Variants in FANCC observed in about 807,000 individuals in gnomAD.
FANCC encodes FA complementation group C.
Under a neutral mutation model 71.3 loss-of-function variants are expected in FANCC, and 55 were observed. The ratio of observed to expected loss-of-function variants is 0.77; its 90% CI spans 0.62 to 0.97. FANCC has a LOEUF of 0.97. Among genes scored for constraint, FANCC ranks in the 50% least tolerant of loss-of-function variants. The pLI, the probability that FANCC is intolerant of heterozygous loss-of-function variation, is 0.00. For synonymous variants in FANCC, 275 were observed against 244.9 expected, an observed-to-expected ratio of 1.12 and a Z score of -1.15; for missense variants, 678 against 670.9, an observed-to-expected ratio of 1.01 and a Z score of -0.12.
At chr9:95,172,224 T>TATTTGTACATAA in intron 4 of FANCC, 77 bp from the exon 5 acceptor site, 1 of 880,962 alleles carries the variant, frequency 1.1e-6, no homozygotes, top group South Asian at 1.5e-5. Context: ...GCCTACAATT[T>TATTTGTACATAA]ATTTGTACAT....
chr9:95,117,193 C>T (rs2072488092), intron 11 of FANCC, 122 bp downstream of exon 11: 6 of 891,462 alleles, frequency 6.7e-6, no homozygotes, highest in Non-Finnish European at 9.1e-6. Flanking sequence ...TTAAAGGGAT[C>T]TTAGAAATAA....
At chr9:95,193,830 G>A (rs1167972928) in intron 4 of FANCC, among the ~76,000 whole-genome samples, 1 of 152,288 alleles carries the variant, frequency 6.6e-6, no homozygotes, top group East Asian at 1.9e-4. Flanking sequence ...AGCAAAAGAG[G>A]GAGAACTCAG....
chr9:95,204,249 T>C (rs946816723), intron 4 of FANCC, among the ~76,000 whole-genome samples: 2 of 152,240 alleles, frequency 1.3e-5, no homozygotes, highest in Non-Finnish European at 2.9e-5. Context: ...TTTAGTCTTC[T>C]AGGCGTCCAT....
chr9:95,298,349 T>C (rs356665), intron 1 of FANCC, among the ~76,000 whole-genome samples: 80,363 of 152,036 alleles, frequency 0.53, 21,783 homozygotes, highest in African/African-American at 0.66. Context: ...GATAAAAAGA[T>C]AGGCTCAGCT....
chr9:95,145,263 A>G (rs1829372296), intron 7 of FANCC: 1 of 152,228 alleles, frequency 6.6e-6, no homozygotes, highest in Non-Finnish European at 1.5e-5. Context: ...GATGGAGGAG[A>G]AGATCCATTT....
intron 1 of FANCC, among the ~76,000 whole-genome samples, chr9:95,259,888 C>T (rs1023059002): frequency 2.0e-5 from 3 of 152,150 alleles, no homozygotes; most frequent in African/African-American, 7.2e-5. Flanking sequence ...AGGATAAGAA[C>T]AGACACTTCT....
At chr9:95,257,023 C>T (rs1831705304) in intron 1 of FANCC, among the ~76,000 whole-genome samples, 1 of 152,154 alleles carries the variant, frequency 6.6e-6, no homozygotes, top group Non-Finnish European at 1.5e-5. Context: ...CAGGAGCACC[C>T]AGATTCATAA....
At chr9:95,154,484 T>C (rs1830349724) in intron 6 of FANCC, among the ~76,000 whole-genome samples, 1 of 152,182 alleles carries the variant, frequency 6.6e-6, no homozygotes, top group African/African-American at 2.4e-5. Flanking sequence ...AATGATTATT[T>C]ATTTACAGAA....
At chr9:95,190,676 C>A (rs1827033761) in intron 4 of FANCC, among the ~76,000 whole-genome samples, 1 of 152,236 alleles carries the variant, frequency 6.6e-6, no homozygotes, top group South Asian at 2.1e-4. Context: ...CGCCCTGGCA[C>A]TGTGTGGGTG....
intron 3 of FANCC, 144 bp downstream of exon 3, chr9:95,247,288 T>C: frequency 5.9e-6 from 4 of 676,274 alleles, no homozygotes; most frequent in Non-Finnish European, 5.2e-6. Flanking sequence ...TAGGAAGCCA[T>C]CTTTGTAATA....
At chr9:95,248,610 T>C (rs1040157732) in intron 2 of FANCC, among the ~76,000 whole-genome samples, 4 of 152,058 alleles carry the variant, frequency 2.6e-5, no homozygotes, top group Admixed American at 6.6e-5. Flanking sequence ...ATCATAAAAA[T>C]ATCTATCATA....
chr9:95,141,235 C>T (rs1465534736), intron 7 of FANCC, among the ~76,000 whole-genome samples: 2 of 148,214 alleles, frequency 1.3e-5, no homozygotes, highest in Non-Finnish European at 3.0e-5. Context: ...TCACCTGAGC[C>T]TGGGAGGTCG....
In FANCC at chr9:95,149,452, A is replaced by C. The variant is rs372129882; in HGVS notation, c.686+471T>G. On this transcript the variant is annotated intron_variant, in intron 7 of 14. Coordinates refer to ENST00000289081, the MANE Select transcript of FANCC (RefSeq NM_000136.3). ...AAACCTAAAATAAAAGTTAAAAATA[A>C]AAAAATAAAATGTTTTGGGATCCTC... Among the ~76,000 whole-genome samples the C allele has an allele frequency of 4.6e-4, 70 of 152,302 alleles. No homozygotes were observed. The East Asian group carries it at 0.01, about 22-fold the overall frequency.
In FANCC at chr9:95,199,701, C is replaced by G. The variant is rs975452607; in HGVS notation, c.346-27554G>C. ...GAGAAAAAACTACCACCAGAGGCTC[C>G]TGGTTTCCAGTCCAAGGATGAGTGT... On this transcript the variant is annotated intron_variant, in intron 4 of 14. Coordinates refer to ENST00000289081, the MANE Select transcript of FANCC (RefSeq NM_000136.3). Among the ~76,000 whole-genome samples the G allele has an allele frequency of 4.5e-4, 68 of 152,196 alleles. 1 individual carries two copies. The highest frequency in any genetic ancestry group is 1.3e-4 in the Non-Finnish European group (9 of 68,048).
chr9:95,118,347 G>A (rs1365634772), intron 10 of FANCC, among the ~76,000 whole-genome samples: 2 of 152,232 alleles, frequency 1.3e-5, no homozygotes, highest in African/African-American at 4.8e-5. Context: ...AACAACAAAA[G>A]TGTAAAACTG....
intron 4 of FANCC, among the ~76,000 whole-genome samples, chr9:95,227,383 A>G (rs1829685527): frequency 6.6e-6 from 1 of 152,218 alleles, no homozygotes; most frequent in Non-Finnish European, 1.5e-5. Context: ...TACTAAATCC[A>G]GAGGAGCCAA....
At chr9:95,280,527 A>G (rs550169599) in intron 1 of FANCC, among the ~76,000 whole-genome samples, 2 of 152,334 alleles carry the variant, frequency 1.3e-5, no homozygotes, top group South Asian at 4.1e-4. Context: ...TCATAAAATG[A>G]GTCTTCATAT....
At position 95,107,271 on chromosome 9, in the gene FANCC, T is replaced by G. The variant is rs2134456820; in HGVS notation, c.1330-2A>C. The G allele has an allele frequency of 6.2e-7, 1 of 1,613,474 alleles. No homozygotes were observed. Among genetic ancestry groups the G allele is most frequent in the Non-Finnish European group, 8.5e-7 (1 of 1,179,848 alleles). The stretch of plus-strand genomic sequence containing the variant: ...GCCCAGCACGGCCTTCACCTGGACC[T>G]GGGCAATAGTATTTCACAGGGGAGA... On this transcript the variant is annotated splice_acceptor_variant, in intron 13 of 14. Transcript: ENST00000289081. LOFTEE classifies it high-confidence loss of function.
At chr9:95,266,645 T>G (rs796447865) in intron 1 of FANCC, among the ~76,000 whole-genome samples, 1 of 152,342 alleles carries the variant, frequency 6.6e-6, no homozygotes, top group African/African-American at 2.4e-5. Context: ...TGTGGAATTA[T>G]GAATTTTTAA....
Sources: gnomAD v4.1 joint callset for allele counts (sites outside exome capture counted in the v4.1 genomes callset) on GRCh38, gnomAD v4.1.1 for gene constraint, MANE v1.5 for transcripts, NCBI Gene and HGNC (gene_info 2026-07-23, HGNC 2026-07-21) for gene names.